UPF1: variants seen among roughly 807,000 people sequenced by gnomAD.
UPF1 encodes the protein UPF1 RNA helicase and ATPase, also known as regulator of nonsense transcripts 1.
In UPF1, 9 loss-of-function variants were observed where a neutral mutation model predicts 129.2. The ratio of observed to expected loss-of-function variants is 0.07; its 90% CI spans 0.04 to 0.12. UPF1 has a LOEUF of 0.12. Among genes scored for constraint, UPF1 ranks in the 10% least tolerant of loss-of-function variants. The pLI is 1.00. For synonymous variants in UPF1, 649 were observed against 644.9 expected, an observed-to-expected ratio of 1.01 and a Z score of -0.10; for missense variants, 788 against 1,525.3, an observed-to-expected ratio of 0.52 and a Z score of 8.05.
At chr19:18,860,286 C>A (rs748915251) in intron 15 of UPF1, 35 bp from the exon 16 acceptor site, 1 of 1,607,438 alleles carries the variant, frequency 6.2e-7, no homozygotes, top group Admixed American at 1.7e-5. Flanking sequence ...CGGGCTAGGG[C>A]TTTTGAAGTG....
intron 3 of UPF1, chr19:18,848,164 C>T (rs893995649): frequency 1.8e-5 from 5 of 277,984 alleles, no homozygotes; most frequent in Middle Eastern, 1.3e-3. Flanking sequence ...AAGGCAGTAA[C>T]GGGCATCCAG....
At chr19:18,845,900 CAG>C in intron 1 of UPF1, 78 bp from the exon 2 acceptor site, 1 of 1,541,610 alleles carries the variant, frequency 6.5e-7, no homozygotes, top group Non-Finnish European at 8.7e-7. Context: ...GGTGTCACAC[CAG>C]AGTCATCGAG....
At chr19:18,836,472 T>C (rs546110452) in intron 1 of UPF1, among the ~76,000 whole-genome samples, 1 of 152,284 alleles carries the variant, frequency 6.6e-6, no homozygotes, top group East Asian at 1.9e-4. Context: ...ATAAAAAAAT[T>C]CTAGAAATTG....
chr19:18,857,207 C>T (rs2055728292), intron 14 of UPF1, 113 bp from the exon 15 acceptor site: 2 of 1,466,704 alleles, frequency 1.4e-6, no homozygotes, highest in Admixed American at 2.1e-5. Context: ...GAGCAATGCC[C>T]CTGTGGCCAG....
chr19:18,856,356 T>C, intron 13 of UPF1, 56 bp downstream of exon 13: 1 of 1,508,476 alleles, frequency 6.6e-7, no homozygotes, highest in Non-Finnish European at 9.1e-7. Context: ...TGATGGTTTT[T>C]GTTTGGGCCA....
intron 3 of UPF1, chr19:18,848,389 G>C (rs1318877583): frequency 6.4e-6 from 1 of 155,110 alleles, no homozygotes; most frequent in East Asian, 1.9e-4. Flanking sequence ...CAAATTCCAA[G>C]GGGGGAGTTC....
In UPF1 at chr19:18,854,637, G is replaced by A; in HGVS notation, c.1193G>A (p.Ser398Asn). Residue 398 changes from serine (S) to asparagine (N), a missense_variant, in exon 9 of 24, where the codon AGC (serine) becomes AAC (asparagine). Ser to Asn is a conservative substitution (Grantham distance 46). Transcript: ENST00000262803. The stretch of plus-strand genomic sequence containing the variant: ...GAGATCGCCATTGAGCTGCGGAGCA[G>A]CGTGGGTGCACCTGTGGAGGTGACT... ...GDEIAIELRS[S>N]VGAPVEVTHN... 1 of 1,614,116 alleles carries A rather than the reference G, an allele frequency of 6.2e-7. No homozygotes were observed. The highest frequency in any genetic ancestry group is 8.5e-7 in the Non-Finnish European group (1 of 1,179,976).
chr19:18,852,844 G>A, intron 6 of UPF1, 143 bp from the exon 7 acceptor site: 1 of 682,372 alleles, frequency 1.5e-6, no homozygotes. Flanking sequence ...GGTGGCATTT[G>A]GGGCTGCAGG....
chr19:18,838,193 G>C (rs2055503402), intron 1 of UPF1, among the ~76,000 whole-genome samples: 1 of 152,256 alleles, frequency 6.6e-6, no homozygotes, highest in Non-Finnish European at 1.5e-5. Flanking sequence ...TGCACATGTA[G>C]CTGGGCACGA....
chr19:18,857,171 C>A, intron 14 of UPF1, 149 bp from the exon 15 acceptor site: 1 of 1,475,826 alleles, frequency 6.8e-7, no homozygotes, highest in Non-Finnish European at 9.1e-7. Flanking sequence ...GTGGGTTCTG[C>A]CAGCTGCACG....
At chr19:18,847,417 G>A (rs1198098626) in intron 2 of UPF1, among the ~76,000 whole-genome samples, 1 of 152,218 alleles carries the variant, frequency 6.6e-6, no homozygotes, top group Non-Finnish European at 1.5e-5. Context: ...TGACCACTGG[G>A]TCTGAGGCTG....
Position 18,860,999 on chromosome 19 carries a change from G to A in UPF1, c.2457+17G>A. The A allele has an allele frequency of 6.4e-7, 1 of 1,559,434 alleles. No individual in the cohort carries two copies. The highest frequency in any genetic ancestry group is 8.7e-7 in the Non-Finnish European group (1 of 1,154,026). On this transcript the variant is annotated intron_variant, in intron 17 of 23. Transcript: ENST00000262803. ...CTCTACCAGGTGCGCTGCGCCCTCG[G>A]GCACACTTGGTCTCCTGGGCCATGC...
chr19:18,865,778 G>A lies in UPF1; in HGVS notation c.3237G>A (p.Gln1079=). ...QPGLSQPELS[Q]DSYLGDEFKS... ...GCCTCTCCCAGCCGGAGCTGTCCCA[G>A]GTGAGCCCGCCCCTGGGACGGGACT... The change falls in exon 22 of 24, where the codon CAG becomes CAA. Residue 1079 remains glutamine (Q), a splice_region_variant and synonymous_variant. Coordinates refer to ENST00000262803, the MANE Select transcript of UPF1 (RefSeq NM_002911.4). This position sits in a 1 kb window ranked among gnomAD's most constrained non-coding sequence, Gnocchi z 6.1. The A allele has an allele frequency of 6.2e-7, 1 of 1,612,774 alleles. No individual in the cohort carries two copies. Among genetic ancestry groups the A allele is most frequent in the Non-Finnish European group, 8.5e-7 (1 of 1,179,952 alleles).
chr19:18,834,551 TGAC>T (rs1217044403), intron 1 of UPF1, among the ~76,000 whole-genome samples: 1 of 152,204 alleles, frequency 6.6e-6, no homozygotes, highest in African/African-American at 2.4e-5. Flanking sequence ...ACTAGAATTC[TGAC>T]GACATCAGAG....
rs2145950794 is a variant in UPF1, at chr19:18,850,584, A to G, written c.630-104A>G. 1.5e-6 allele frequency: 2 copies of G among 1,300,336 alleles called. No homozygotes were observed. The highest frequency in any genetic ancestry group is 2.0e-6 in the Non-Finnish European group (2 of 978,444). 80.5% of individuals were successfully genotyped at this position (1,300,336 alleles called of 1,614,324 possible). A position where few individuals can be genotyped will look rare whatever the true frequency, so the allele number is the denominator to read the frequency against. ...GTAATGTGATCACATAATAAAATGC[A>G]GGGCATGCCCCTTTGGGTGAAAGGT... is the stretch of plus-strand genomic sequence containing the variant. On this transcript the variant is annotated intron_variant, in intron 4 of 23. Coordinates refer to ENST00000262803, the MANE Select transcript of UPF1 (RefSeq NM_002911.4). The surrounding 1 kb of genome is among the most constrained non-coding windows in gnomAD (Gnocchi z 7.1).
intron 1 of UPF1, among the ~76,000 whole-genome samples, chr19:18,844,785 A>G (rs1461617027): frequency 1.3e-5 from 2 of 152,194 alleles, no homozygotes; most frequent in Admixed American, 6.5e-5. Flanking sequence ...TGTGCCAGGC[A>G]CTGTCCCCTA....
At chr19:18,833,261 T>G (rs1237465773) in intron 1 of UPF1, 2 of 152,228 alleles carry the variant, frequency 1.3e-5, no homozygotes, top group Non-Finnish European at 2.9e-5. Context: ...ATTGGCTGGC[T>G]ATTAAGATCA....
intron 17 of UPF1, among the ~76,000 whole-genome samples, chr19:18,861,217 A>G (rs1459077133): frequency 6.6e-6 from 1 of 152,212 alleles, no homozygotes; most frequent in Non-Finnish European, 1.5e-5. Flanking sequence ...GATCAGAAAC[A>G]TGGGCTGAGA....
In UPF1 at chr19:18,865,993, T is replaced by C. The variant is rs1301019927; in HGVS notation, c.3238-51T>C. 1 of 1,609,634 alleles carries C rather than the reference T, an allele frequency of 6.2e-7. No individual in the cohort carries two copies. The highest frequency in any genetic ancestry group is 1.7e-5 in the Admixed American group (1 of 58,640). On this transcript the variant is annotated intron_variant, in intron 22 of 23. Coordinates refer to ENST00000262803, the MANE Select transcript of UPF1 (RefSeq NM_002911.4). The surrounding 1 kb of genome is among the most constrained non-coding windows in gnomAD (Gnocchi z 6.1). The stretch of plus-strand genomic sequence containing the variant: ...CTGGGGCTGCTGAGGGCTGGGTGGA[T>C]GTGAGCACCCTTGGCCTGTGGCTTG...
Sources: gnomAD v4.1 joint callset for allele counts (sites outside exome capture counted in the v4.1 genomes callset) on GRCh38, gnomAD v4.1.1 for gene constraint, Gnocchi (gnomAD v3.1) non-coding constraint, MANE v1.5 for transcripts, NCBI Gene and HGNC (gene_info 2026-07-23, HGNC 2026-07-21) for gene names.